SEMA3A: variants seen among roughly 807,000 people sequenced by gnomAD.
SEMA3A encodes the protein semaphorin 3A.
In SEMA3A, 29 loss-of-function variants were observed where a neutral mutation model predicts 97.9. The observed-to-expected ratio is 0.30, with a 90% confidence interval of 0.22 to 0.40. SEMA3A has a LOEUF of 0.40. SEMA3A is among the 10% of genes least tolerant of loss of function. The probability of loss-of-function intolerance (pLI) is 1.00; values close to 1 mark genes in which losing one functional copy is unlikely to be tolerated. For synonymous variants in SEMA3A, 321 were observed against 323.7 expected (o/e 0.99, Z 0.09); for missense variants, 763 against 951.3 (o/e 0.80, Z 2.60).
chr7:84,395,571 C>A (rs956368520), intron 1 of SEMA3A, among the ~76,000 whole-genome samples: 5 of 150,834 alleles, frequency 3.3e-5, no homozygotes, highest in Non-Finnish European at 7.4e-5. Flanking sequence ...AGGGGGGGAC[C>A]AGGTGGAGAT....
intron 4 of SEMA3A, among the ~76,000 whole-genome samples, chr7:84,088,919 T>C (rs1330605061): frequency 6.6e-6 from 1 of 152,088 alleles, no homozygotes; most frequent in Non-Finnish European, 1.5e-5. Flanking sequence ...TTAATGTTTT[T>C]TTTTCAGGAT....
chr7:83,976,046 C>T (rs1259375544), intron 15 of SEMA3A, among the ~76,000 whole-genome samples: 4 of 151,998 alleles, frequency 2.6e-5, no homozygotes, highest in East Asian at 1.9e-4. Flanking sequence ...AAAGTGGTTC[C>T]GAAACACTGG....
chr7:84,332,696 C>T (rs1206861429), intron 2 of SEMA3A, among the ~76,000 whole-genome samples: 1 of 144,054 alleles, frequency 6.9e-6, no homozygotes, highest in Non-Finnish European at 1.5e-5. Flanking sequence ...CACACACACA[C>T]ACGTATGTAT....
At position 84,134,780 on chromosome 7, in the gene SEMA3A, T is replaced by C. The variant is rs1157642375; in HGVS notation, c.270+14A>G. 1 of 1,588,474 alleles carries C rather than the reference T, an allele frequency of 6.3e-7. No homozygotes were observed. Among genetic ancestry groups the C allele is most frequent in the Middle Eastern group, 1.7e-4 (1 of 5,962 alleles). Reference sequence around the variant, plus strand: ...TTCAAAATAACTATAGTGCATATATTAGAATACTGATACCTTTTGAAAATC... The same window carrying C: ...TTCAAAATAACTATAGTGCATATATCAGAATACTGATACCTTTTGAAAATC... On this transcript the variant is annotated intron_variant, in intron 2 of 16. Coordinates refer to ENST00000265362, the MANE Select transcript of SEMA3A (RefSeq NM_006080.3).
At chr7:84,394,987 C>G (rs1305186537) in intron 1 of SEMA3A, among the ~76,000 whole-genome samples, 3 of 151,994 alleles carry the variant, frequency 2.0e-5, no homozygotes, top group Non-Finnish European at 4.4e-5. Context: ...ATTGTGATGG[C>G]TATTCGGAGT....
At chr7:84,487,260 A>C (rs528919068) in intron 1 of SEMA3A, among the ~76,000 whole-genome samples, 1 of 152,260 alleles carries the variant, frequency 6.6e-6, no homozygotes, top group South Asian at 2.1e-4. Flanking sequence ...ATGTAGGGAA[A>C]CTGGGACCAA....
At chr7:84,382,895 A>C (rs1358006302) in intron 1 of SEMA3A, among the ~76,000 whole-genome samples, 1 of 151,872 alleles carries the variant, frequency 6.6e-6, no homozygotes, top group Admixed American at 6.6e-5. Context: ...AAACAAAACA[A>C]AACAAAAGTT....
chr7:84,484,560 C>T (rs1013148565), intron 1 of SEMA3A, among the ~76,000 whole-genome samples: 1 of 152,016 alleles, frequency 6.6e-6, no homozygotes, highest in African/African-American at 2.4e-5. Flanking sequence ...CACACACACA[C>T]ACACACACAC....
intron 4 of SEMA3A, among the ~76,000 whole-genome samples, chr7:84,081,400 G>A (rs1794153410): frequency 6.6e-6 from 1 of 152,034 alleles, no homozygotes; most frequent in African/African-American, 2.4e-5. Flanking sequence ...AGACCACCCT[G>A]GCTAACACGG....
intron 3 of SEMA3A, among the ~76,000 whole-genome samples, chr7:84,226,985 T>C (rs564542469): frequency 6.6e-6 from 1 of 152,066 alleles, no homozygotes; most frequent in Non-Finnish European, 1.5e-5. Flanking sequence ...CTTTGTAGGA[T>C]AGAGAGACAA....
intron 1 of SEMA3A, among the ~76,000 whole-genome samples, chr7:84,150,712 G>A (rs1176103159): frequency 5.3e-5 from 8 of 152,270 alleles, no homozygotes; most frequent in Admixed American, 6.5e-5. Flanking sequence ...AAGCAGCTGG[G>A]AAGCTGGAAC....
chr7:84,137,768 A>G, intron 1 of SEMA3A, among the ~76,000 whole-genome samples: 1 of 151,788 alleles, frequency 6.6e-6, no homozygotes, highest in East Asian at 1.9e-4. Context: ...TGAAAGGGCC[A>G]TGTAAGAGGT....
intron 3 of SEMA3A, among the ~76,000 whole-genome samples, chr7:84,123,607 A>G (rs1026766628): frequency 6.6e-6 from 1 of 150,912 alleles, no homozygotes; most frequent in African/African-American, 2.4e-5. Context: ...ATGTACATGC[A>G]TGCGCAGGCA....
At chr7:84,332,087 A>AT in intron 2 of SEMA3A, among the ~76,000 whole-genome samples, 1 of 152,162 alleles carries the variant, frequency 6.6e-6, no homozygotes, top group South Asian at 2.1e-4. Flanking sequence ...TAAGTTACTT[A>AT]TTTTTTACCA....
At chr7:84,123,929 G>A (rs1795711215) in intron 3 of SEMA3A, among the ~76,000 whole-genome samples, 1 of 151,916 alleles carries the variant, frequency 6.6e-6, no homozygotes, top group South Asian at 2.1e-4. Context: ...TTGAATTACA[G>A]CTGCTGATTT....
At chr7:84,490,238 ACAC>A (rs1806686814) in intron 1 of SEMA3A, among the ~76,000 whole-genome samples, 1 of 151,606 alleles carries the variant, frequency 6.6e-6, no homozygotes. Flanking sequence ...AAAGACTATA[ACAC>A]CACCACCATT....
Position 84,215,856 on chromosome 7 carries a change from T to C in SEMA3A, c.-82-21188A>G, listed in dbSNP as rs1460990310. On this transcript the variant is annotated intron_variant, in intron 3 of 3. Coordinates refer to the SEMA3A transcript ENST00000424555. Reference sequence around the variant, plus strand: ...ATTTTTCTAGGTCATGTGGAAAATATGTAGTCTTTTATAAAAGGGCAAAGA... The same window carrying C: ...ATTTTTCTAGGTCATGTGGAAAATACGTAGTCTTTTATAAAAGGGCAAAGA... 2.0e-5 allele frequency among the ~76,000 whole-genome samples: 3 copies of C among 152,298 alleles called. No individual in the cohort carries two copies. In the South Asian group the frequency reaches 6.2e-4, roughly 32 times the overall value.
chr7:84,325,323 T>A (rs531548478), intron 2 of SEMA3A, among the ~76,000 whole-genome samples: 5 of 152,156 alleles, frequency 3.3e-5, no homozygotes, highest in Admixed American at 3.3e-4. Flanking sequence ...ATTATGATTT[T>A]AAAAAATACT....
chr7:84,001,285 C>T (rs1227962836), intron 12 of SEMA3A, among the ~76,000 whole-genome samples: 2 of 151,962 alleles, frequency 1.3e-5, no homozygotes, highest in Admixed American at 1.3e-4. Flanking sequence ...CTCCTCTTTC[C>T]CTTCACCCCA....
Sources: gnomAD v4.1 joint callset for allele counts (sites outside exome capture counted in the v4.1 genomes callset) on GRCh38, gnomAD v4.1.1 for gene constraint, MANE v1.5 for transcripts, NCBI Gene and HGNC (gene_info 2026-07-23, HGNC 2026-07-21) for gene names.